Variants in ARMH4 observed in about 807,000 individuals in gnomAD.
The protein encoded by ARMH4 is armadillo like helical domain containing 4, also known as armadillo-like helical domain-containing protein 4.
A neutral mutation model predicts 61.9 loss-of-function variants in ARMH4; 49 were observed. The ratio of observed to expected loss-of-function variants is 0.79; its 90% CI spans 0.63 to 1.00. The LOEUF is 1.00. ARMH4 is among the 50% of genes least tolerant of loss of function. ARMH4 has a pLI of 0.00. For synonymous variants in ARMH4, 368 were observed against 341.5 expected (o/e 1.08, Z -0.85); for missense variants, 934 against 930.0 (o/e 1.00, Z -0.06).
intron 5 of ARMH4, among the ~76,000 whole-genome samples, chr14:58,038,847 T>C (rs1368622390): frequency 6.6e-6 from 1 of 152,248 alleles, no homozygotes; most frequent in Non-Finnish European, 1.5e-5. Context: ...ACCACTAAAA[T>C]TCAGTTAGAA....
In ARMH4 at chr14:58,076,525, C is replaced by A. The variant is rs977199792; in HGVS notation, c.2089+20199G>T. ...CTGCTGCCTGAATGCAGTAGCAGATCCCAAACTTGCTTAAAACCTCACCCA... is the reference window on the plus strand; with the variant it reads ...CTGCTGCCTGAATGCAGTAGCAGATACCAAACTTGCTTAAAACCTCACCCA... On this transcript the variant is annotated intron_variant, in intron 5 of 7. Transcript: ENST00000267485. Among the ~76,000 whole-genome samples, 7 of 151,864 alleles carry A rather than the reference C, an allele frequency of 4.6e-5. No homozygotes were observed. In the South Asian group the frequency reaches 1.0e-3, roughly 22 times the overall value.
chr14:58,049,099 C>T (rs1196020541), intron 5 of ARMH4, among the ~76,000 whole-genome samples: 6 of 151,800 alleles, frequency 4.0e-5, no homozygotes, highest in African/African-American at 1.5e-4. Flanking sequence ...ATTAGCCAGG[C>T]GTGGTGGCGG....
chr14:58,038,840 A>T (rs1335494569), intron 5 of ARMH4, among the ~76,000 whole-genome samples: 2 of 152,218 alleles, frequency 1.3e-5, no homozygotes, highest in African/African-American at 4.8e-5. Flanking sequence ...TAGACAAACC[A>T]CTAAAATTCA....
At chr14:58,053,872 G>A (rs1884230216) in intron 5 of ARMH4, among the ~76,000 whole-genome samples, 1 of 152,132 alleles carries the variant, frequency 6.6e-6, no homozygotes, top group Non-Finnish European at 1.5e-5. Context: ...AACCACACAT[G>A]GGTCTTTACG....
At chr14:58,019,270 C>A (rs542406900) in intron 5 of ARMH4, among the ~76,000 whole-genome samples, 1 of 152,046 alleles carries the variant, frequency 6.6e-6, no homozygotes, top group Non-Finnish European at 1.5e-5. Flanking sequence ...CACAAAAATG[C>A]TAAGTATGTG....
rs1440452219 is a variant in ARMH4, at chr14:58,131,630, G to A, written c.1713C>T (p.Pro571=). The A allele has an allele frequency of 3.1e-6, 5 of 1,613,956 alleles. No homozygotes were observed. In the African/African-American group the frequency reaches 5.3e-5, roughly 17 times the overall value. Reference sequence around the variant, plus strand: ...AAGCAGGAAGTGCAGGGGAAATGCTGGGTTCCCCCACCATTATTCCAGGAG... The same window carrying A: ...AAGCAGGAAGTGCAGGGGAAATGCTAGGTTCCCCCACCATTATTCCAGGAG... ...VTPPGIMVGE[P]SISPALPALE... is the part of the protein sequence containing the mutation. The change falls in exon 4 of 8, where the codon CCC becomes CCT. Residue 571 remains proline, a synonymous_variant. Coordinates refer to ENST00000267485, the MANE Select transcript of ARMH4 (RefSeq NM_001001872.4).
chr14:58,016,763 C>G, intron 5 of ARMH4, among the ~76,000 whole-genome samples: 1 of 152,106 alleles, frequency 6.6e-6, no homozygotes, highest in East Asian at 1.9e-4. Context: ...AATCCAAGAG[C>G]ACAGTGCTAT....
chr14:58,028,707 G>C (rs55663011), intron 5 of ARMH4, among the ~76,000 whole-genome samples: 25,275 of 152,040 alleles, frequency 0.17, 2,647 homozygotes, highest in East Asian at 0.48. Context: ...CAGGAGGCCA[G>C]TACTCAGGCT....
intron 7 of ARMH4, 60 bp from the exon 8 acceptor site, chr14:58,004,864 C>G (rs1882103619): frequency 1.9e-6 from 3 of 1,558,612 alleles, no homozygotes; most frequent in Non-Finnish European, 2.6e-6. Context: ...AGCTGAGAAA[C>G]AGGCCCACTT....
chr14:58,096,738 T>C lies in ARMH4; in HGVS notation c.2075A>G (p.Gln692Arg). Residue 692 changes from glutamine (Q) to arginine (R), a missense_variant, in exon 5 of 8, where the codon CAG becomes CGG. Gln to Arg is a conservative substitution (Grantham distance 43). Transcript: ENST00000267485. ...ATGACTCTTACCCAGGCCTTGATTCTGCTGTTCCCACTCGAGGGCATCTGG... is the reference window on the plus strand; with the variant it reads ...ATGACTCTTACCCAGGCCTTGATTCCGCTGTTCCCACTCGAGGGCATCTGG... The part of the protein sequence containing the change: ...QVPDALEWEQ[Q>R]NQGLVRSWME... 1.9e-6 allele frequency: 3 copies of C among 1,614,068 alleles called. No homozygotes were observed. Among genetic ancestry groups the C allele is most frequent in the Non-Finnish European group, 2.5e-6 (3 of 1,179,972 alleles).
At chr14:58,100,268 G>A (rs758767336) in intron 4 of ARMH4, among the ~76,000 whole-genome samples, 4 of 152,188 alleles carry the variant, frequency 2.6e-5, no homozygotes, top group African/African-American at 7.2e-5. Context: ...GAGAGTAGGC[G>A]AGTACATTCT....
Position 58,032,816 on chromosome 14 carries a change from T to A in ARMH4, c.2090-20666A>T, listed in dbSNP as rs561253918. Among the ~76,000 whole-genome samples, 22 of 152,250 alleles carry A rather than the reference T, an allele frequency of 1.4e-4. 1 individual carries two copies. In the South Asian group the frequency reaches 4.6e-3, roughly 32 times the overall value. The stretch of plus-strand genomic sequence containing the variant: ...GGACGCACCTGGAAAATCAGGTCAC[T>A]CCCACCTGAATATTGCGCTTTTCAG... On this transcript the variant is annotated intron_variant, in intron 5 of 7. Transcript: ENST00000267485.
At chr14:58,028,608 A>T (rs1412271173) in intron 5 of ARMH4, among the ~76,000 whole-genome samples, 1 of 152,118 alleles carries the variant, frequency 6.6e-6, no homozygotes, top group East Asian at 1.9e-4. Flanking sequence ...CCACCAGCCA[A>T]GGCCATGTCT....
chr14:58,005,966 A>G (rs1273590033), intron 6 of ARMH4, among the ~76,000 whole-genome samples: 2 of 152,222 alleles, frequency 1.3e-5, no homozygotes, highest in Non-Finnish European at 2.9e-5. Flanking sequence ...CACAAAGATC[A>G]CTGCCAACAA....
At chr14:58,006,885 T>G (rs1882194739) in intron 6 of ARMH4, among the ~76,000 whole-genome samples, 1 of 152,080 alleles carries the variant, frequency 6.6e-6, no homozygotes, top group East Asian at 1.9e-4. Flanking sequence ...GTTGTGCACC[T>G]GTACCCTAGA....
intron 5 of ARMH4, among the ~76,000 whole-genome samples, chr14:58,085,061 A>G (rs1393453227): frequency 1.3e-5 from 2 of 152,178 alleles, no homozygotes; most frequent in African/African-American, 4.8e-5. Flanking sequence ...AGTTAAGTGC[A>G]TTCTTTCTCT....
At chr14:58,088,982 A>T (rs572453519) in intron 5 of ARMH4, among the ~76,000 whole-genome samples, 7 of 152,274 alleles carry the variant, frequency 4.6e-5, no homozygotes, top group South Asian at 2.1e-4. Flanking sequence ...CAGTTGTTTT[A>T]TAGGGGTAGC....
chr14:58,107,937 C>T (rs1886220120), intron 4 of ARMH4, among the ~76,000 whole-genome samples: 1 of 152,036 alleles, frequency 6.6e-6, no homozygotes, highest in African/African-American at 2.4e-5. Flanking sequence ...AAAGAAGAAA[C>T]ATTTGTAGGC....
chr14:58,032,699 C>CAGTGT (rs1883295367), intron 5 of ARMH4, among the ~76,000 whole-genome samples: 1 of 151,682 alleles, frequency 6.6e-6, no homozygotes, highest in Non-Finnish European at 1.5e-5. Context: ...GTGCGCGCAC[C>CAGTGT]GTGCGCGAGC....
Sources: allele counts gnomAD v4.1 joint callset (sites outside exome capture counted in the v4.1 genomes callset), GRCh38; gene constraint gnomAD v4.1.1; transcripts MANE v1.5; gene names NCBI Gene and HGNC (gene_info 2026-07-23, HGNC 2026-07-21).